The following DMBT1 variants were observed in gnomAD, a reference collection of about 807,000 sequenced individuals.
DMBT1 encodes the protein scavenger receptor cysteine-rich domain-containing protein DMBT1.
In DMBT1, 198 loss-of-function variants were observed where a neutral mutation model predicts 252.9. The observed-to-expected ratio is 0.78, with a 90% confidence interval of 0.70 to 0.88. The LOEUF (loss-of-function observed/expected upper bound fraction) is 0.88, where lower values mean the gene tolerates loss of function less well. Among genes scored for constraint, DMBT1 ranks in the 40% least tolerant of loss-of-function variants. The pLI is 0.00. For synonymous variants in DMBT1, 990 were observed against 942.7 expected (o/e 1.05, Z -0.92); for missense variants, 2,432 against 2,404.7 (o/e 1.01, Z -0.24).
intron 18 of DMBT1, among the ~76,000 whole-genome samples, chr10:122,591,120 T>G (rs1317261511): frequency 6.7e-6 from 1 of 148,622 alleles, no homozygotes; most frequent in African/African-American, 2.4e-5. Flanking sequence ...GACTTTATAC[T>G]CCCTTAGGCA....
intron 48 of DMBT1, 66 bp downstream of exon 48, chr10:122,630,556 C>T: frequency 6.6e-7 from 1 of 1,507,778 alleles, no homozygotes; most frequent in South Asian, 1.2e-5. Flanking sequence ...TTTGGGGGCA[C>T]CATGGTTCCC....
chr10:122,575,953 A>G (rs927639280), intron 6 of DMBT1, among the ~76,000 whole-genome samples: 4 of 152,182 alleles, frequency 2.6e-5, no homozygotes, highest in African/African-American at 9.6e-5. Context: ...GAGGAAGGCT[A>G]TAAGGCCAGG....
At chr10:122,631,353 C>T in intron 49 of DMBT1, 72 bp downstream of exon 49, 1 of 1,552,324 alleles carries the variant, frequency 6.4e-7, no homozygotes, top group Non-Finnish European at 8.8e-7. Flanking sequence ...AGGCCAGTGG[C>T]TGATGGTGTC....
Position 122,631,839 on chromosome 10 carries a change from T to C in DMBT1, c.6347-16T>C, listed in dbSNP as rs749602406. ...ACATGTCTGTGACCTATGCTTTTTTTCTATTCCTTTTTCAGGAAACCATCT... is the reference window on the plus strand; with the variant it reads ...ACATGTCTGTGACCTATGCTTTTTTCCTATTCCTTTTTCAGGAAACCATCT... On this transcript the variant is annotated splice_polypyrimidine_tract_variant and intron_variant, in intron 49 of 55. Coordinates refer to ENST00000338354, the MANE Select transcript of DMBT1 (RefSeq NM_001377530.1). 1.6e-5 allele frequency: 26 copies of C among 1,613,860 alleles called. No individual in the cohort carries two copies. In the East Asian group the frequency reaches 3.3e-4, roughly 21 times the overall value.
At position 122,621,107 on chromosome 10, in the gene DMBT1, C is replaced by T. The variant is rs375631647; in HGVS notation, c.5335C>T (p.Arg1779Ter). The T allele has an allele frequency of 1.2e-5, 19 of 1,613,468 alleles. No homozygotes were observed. Among genetic ancestry groups the T allele is most frequent in the African/African-American group, 9.3e-5 (7 of 74,906 alleles). Residue 1779 changes from arginine (R) to a stop codon, truncating the protein, a stop_gained, in exon 44 of 56, where the codon CGA becomes TGA. Coordinates refer to ENST00000338354, the MANE Select transcript of DMBT1 (RefSeq NM_001377530.1). LOFTEE classifies it high-confidence loss of function. ...LRLVNGGDRC[R>*]GRVEVLYRGS... The stretch of plus-strand genomic sequence containing the variant: ...GCTGGTGAATGGAGGTGACAGGTGT[C>T]GAGGCCGAGTGGAGGTCCTGTATCG...
rs2098166651 is a variant in DMBT1 at position 122,631,738 on chromosome 10, G to A, written c.6347-117G>A. On this transcript the variant is annotated intron_variant, in intron 49 of 55. Coordinates refer to ENST00000338354, the MANE Select transcript of DMBT1 (RefSeq NM_001377530.1). ...AATAGCAATTGCTGGGTGGACCTGG[G>A]GACCCTCGCCGAGGGGGGTCAGGTT... is the stretch of plus-strand genomic sequence containing the variant. 2.8e-6 allele frequency: 3 copies of A among 1,086,006 alleles called. No individual in the cohort carries two copies. The East Asian group carries it at 7.5e-5, about 27-fold the overall frequency. 67.3% of individuals were successfully genotyped at this position (1,086,006 alleles called of 1,614,324 possible). A position where few individuals can be genotyped will look rare whatever the true frequency, so the allele number is the denominator to read the frequency against.
Position 122,633,351 on chromosome 10 carries a change from CG to C in DMBT1, c.6548+11del, listed in dbSNP as rs763679590. On this transcript the variant is annotated intron_variant, in intron 52 of 55. Transcript: ENST00000338354. Reference sequence around the variant, plus strand: ...TCTTCAGAGATGTCCAGTAAGTGTGCGCCCAGAAGAATGCCTTGGGGCCCCA... The same window carrying C: ...TCTTCAGAGATGTCCAGTAAGTGTGCCCCAGAAGAATGCCTTGGGGCCCCA... The C allele has an allele frequency of 1.2e-6, 2 of 1,611,354 alleles. No homozygotes were observed. Among genetic ancestry groups the C allele is most frequent in the Admixed American group, 1.7e-5 (1 of 59,932 alleles).
chr10:122,629,766 T>C, intron 46 of DMBT1, 74 bp from the exon 47 acceptor site: 1 of 1,543,976 alleles, frequency 6.5e-7, no homozygotes, highest in Non-Finnish European at 8.8e-7. Context: ...TGGATGATAC[T>C]TACACAGATG....
chr10:122,621,159 A>G lies in DMBT1; in HGVS notation c.5387A>G (p.Asp1796Gly). The G allele has an allele frequency of 6.2e-7, 1 of 1,613,810 alleles. No homozygotes were observed. Among genetic ancestry groups the G allele is most frequent in the Non-Finnish European group, 8.5e-7 (1 of 1,179,786 alleles). ...GGCTCCTGGGGAACCGTGTGTGATGACAGCTGGGACACCAATGATGCCAAT... is the reference window on the plus strand; with the variant it reads ...GGCTCCTGGGGAACCGTGTGTGATGGCAGCTGGGACACCAATGATGCCAAT... ...YRGSWGTVCD[D>G]SWDTNDANVV... The change falls in exon 44 of 56, where the codon GAC becomes GGC. Residue 1796 changes from aspartate (D) to glycine (G), a missense_variant. Physicochemically the swap from Asp to Gly is moderately conservative, Grantham distance 94. Around this residue, in one of 3 missense-constraint regions of DMBT1, gnomAD observed 1,162 missense variants for 1,169.0 expected, o/e 0.99. Coordinates refer to ENST00000338354, the MANE Select transcript of DMBT1 (RefSeq NM_001377530.1).
intron 1 of DMBT1, among the ~76,000 whole-genome samples, chr10:122,562,483 T>C (rs1258250338): frequency 6.6e-6 from 1 of 152,192 alleles, no homozygotes; most frequent in East Asian, 1.9e-4. Context: ...GAGTGGAGAC[T>C]GGGCATCCTC....
intron 54 of DMBT1, 116 bp from the exon 55 acceptor site, chr10:122,639,923 TG>T: frequency 1.6e-6 from 2 of 1,263,636 alleles, no homozygotes; most frequent in Non-Finnish European, 2.2e-6. Flanking sequence ...TGAGTGGTTC[TG>T]GGAGGGGTGG....
Position 122,641,489 on chromosome 10 carries a change from T to C in DMBT1, c.7352+1040T>C, listed in dbSNP as rs187423700. On this transcript the variant is annotated intron_variant, in intron 55 of 55. Coordinates refer to ENST00000338354, the MANE Select transcript of DMBT1 (RefSeq NM_001377530.1). The stretch of plus-strand genomic sequence containing the variant: ...ACGTAGCACCTCTTTCCAGGCACAG[T>C]GTGAACATATGTCAGTTCAGTAGGT... 2.4e-3 allele frequency among the ~76,000 whole-genome samples: 372 copies of C among 152,288 alleles called. 2 individuals are homozygous for C. The highest frequency in any genetic ancestry group is 2.4e-3 in the Non-Finnish European group (161 of 68,024).
chr10:122,634,396 CTTTCTTTTCTTTCTT>C (rs2098197781), intron 52 of DMBT1, among the ~76,000 whole-genome samples: 6 of 133,652 alleles, frequency 4.5e-5, no homozygotes, highest in Non-Finnish European at 6.5e-5. Context: ...TTCTTTCTTT[CTTTCTTTTCTTTCTT>C]TCTCTCTCTC....
At chr10:122,563,343 C>G (rs546394315) in intron 1 of DMBT1, among the ~76,000 whole-genome samples, 1 of 152,322 alleles carries the variant, frequency 6.6e-6, no homozygotes, top group South Asian at 2.1e-4. Context: ...TGTTACTACT[C>G]TAGACATTTT....
intron 3 of DMBT1, 66 bp from the exon 4 acceptor site, chr10:122,570,824 G>T: frequency 6.4e-7 from 1 of 1,566,970 alleles, no homozygotes. Context: ...AGCTGACGAA[G>T]CCATGGACCA....
Position 122,589,061 on chromosome 10 carries a change from A to G in DMBT1, c.1901A>G (p.Asn634Ser), listed in dbSNP as rs545567507. ...GTVCDDSWDT[N>S]DANVVCRQLG... ...GTGTGTGATGACAGCTGGGACACCAATGATGCCAATGTGGTCTGCAGGCAG... is the reference window on the plus strand; with the variant it reads ...GTGTGTGATGACAGCTGGGACACCAGTGATGCCAATGTGGTCTGCAGGCAG... The change falls in exon 17 of 56, where the codon AAT (asparagine) becomes AGT (serine). Residue 634 changes from asparagine to serine, a missense_variant. Physicochemically the swap from Asn to Ser is conservative, Grantham distance 46. This residue lies in a region of DMBT1 where 1,264 missense variants were observed against 1,082.2 expected (regional missense o/e 1.17). Transcript: ENST00000338354. 36 of 1,588,862 alleles carry G rather than the reference A, an allele frequency of 2.3e-5. 1 individual carries two copies. The African/African-American group carries it at 3.2e-4, about 14-fold the overall frequency.
intron 2 of DMBT1, 62 bp downstream of exon 2, chr10:122,566,058 T>C: frequency 6.4e-7 from 1 of 1,552,782 alleles, no homozygotes; most frequent in Non-Finnish European, 8.9e-7. Flanking sequence ...CTGCTACTGT[T>C]GGCTAGTTGA....
At position 122,625,320 on chromosome 10, in the gene DMBT1, C is replaced by T; in HGVS notation, c.5635+17C>T. 6.2e-7 allele frequency: 1 copy of T among 1,606,912 alleles called. No individual in the cohort carries two copies. The highest frequency in any genetic ancestry group is 8.5e-7 in the Non-Finnish European group (1 of 1,175,382). ...CTACGACAGGTGAGTCTGCTACACC[C>T]CAGTCCAGCAATATTTCTCTTGGGA... On this transcript the variant is annotated intron_variant, in intron 45 of 55. Coordinates refer to ENST00000338354, the MANE Select transcript of DMBT1 (RefSeq NM_001377530.1).
intron 4 of DMBT1, 33 bp downstream of exon 4, chr10:122,570,970 C>A (rs191880574): frequency 4.4e-5 from 70 of 1,603,680 alleles, no homozygotes; most frequent in Admixed American, 3.7e-4. Flanking sequence ...CCTGTGGGCT[C>A]ATTACCCCAC....
Sources: allele counts gnomAD v4.1 joint callset (sites outside exome capture counted in the v4.1 genomes callset), GRCh38; gene constraint gnomAD v4.1.1; regional missense constraint gnomAD v4.1.1; transcripts MANE v1.5; gene names NCBI Gene and HGNC (gene_info 2026-07-23, HGNC 2026-07-21).